The following SVOP variants were observed in gnomAD, a reference collection of about 807,000 sequenced individuals.
The protein encoded by SVOP is SV2 related protein, also known as synaptic vesicle 2-related protein.
A neutral mutation model predicts 69.1 loss-of-function variants in SVOP; 17 were observed. The ratio of observed to expected loss-of-function variants is 0.25; its 90% CI spans 0.17 to 0.37. SVOP has a LOEUF of 0.37. Ranked by LOEUF, SVOP falls within the 10% of genes least tolerant of loss-of-function variation. The pLI is 1.00. For synonymous variants in SVOP, 238 were observed against 238.6 expected (o/e 1.00, Z 0.02); for missense variants, 435 against 597.5 (o/e 0.73, Z 2.84).
chr12:108,919,912 T>C (rs2039738437), intron 12 of SVOP, 126 bp from the exon 13 acceptor site: 1 of 619,416 alleles, frequency 1.6e-6, no homozygotes, highest in African/African-American at 1.9e-5. Context: ...TCACTTCTAA[T>C]GACTAGAAGA....
At chr12:108,994,753 T>C (rs1250128666) in intron 1 of SVOP, among the ~76,000 whole-genome samples, 1 of 152,208 alleles carries the variant, frequency 6.6e-6, no homozygotes, top group Admixed American at 6.5e-5. Context: ...GCTGCTAGCA[T>C]GCTCTTTGCA....
intron 1 of SVOP, among the ~76,000 whole-genome samples, chr12:109,013,256 T>C (rs779482000): frequency 1.6e-4 from 24 of 152,024 alleles, no homozygotes; most frequent in Non-Finnish European, 5.9e-5. Context: ...AAGCAAATTA[T>C]AGAGTTTATT....
intron 1 of SVOP, 48 bp from the exon 2 acceptor site, chr12:108,983,809 A>G (rs1199595425): frequency 2.5e-6 from 1 of 398,724 alleles, no homozygotes; most frequent in Non-Finnish European, 4.4e-6. Context: ...CTTCCCCCAA[A>G]TGGCCTTGCT....
intron 6 of SVOP, among the ~76,000 whole-genome samples, chr12:108,960,302 T>C (rs1316885517): frequency 6.6e-6 from 1 of 152,218 alleles, no homozygotes; most frequent in Admixed American, 6.5e-5. Context: ...TATGCCATAG[T>C]GTGCCAATCT....
chr12:109,012,520 T>C (rs1299147430), intron 1 of SVOP, among the ~76,000 whole-genome samples: 3 of 152,218 alleles, frequency 2.0e-5, no homozygotes, highest in Non-Finnish European at 4.4e-5. Flanking sequence ...CATACATATG[T>C]AATTTTTATT....
chr12:108,915,386 T>C (rs1008257835), intron 15 of SVOP, among the ~76,000 whole-genome samples: 1 of 152,098 alleles, frequency 6.6e-6, no homozygotes, highest in African/African-American at 2.4e-5. Flanking sequence ...CTCCTATTTT[T>C]ATGTCTATGT....
chr12:108,938,722 C>G, intron 9 of SVOP, 105 bp downstream of exon 9: 1 of 1,545,610 alleles, frequency 6.5e-7, no homozygotes, highest in South Asian at 1.2e-5. Flanking sequence ...CTTGGGTACA[C>G]ATACCCACAT....
At chr12:108,942,543 C>T (rs757007978) in intron 7 of SVOP, among the ~76,000 whole-genome samples, 6 of 152,194 alleles carry the variant, frequency 3.9e-5, no homozygotes, top group Admixed American at 6.5e-5. Flanking sequence ...GAGATGGAAG[C>T]GGAGGGAGGA....
At chr12:108,974,158 A>G (rs901602406) in intron 4 of SVOP, among the ~76,000 whole-genome samples, 4 of 152,196 alleles carry the variant, frequency 2.6e-5, no homozygotes, top group Non-Finnish European at 5.9e-5. Flanking sequence ...AGCTTTTCAT[A>G]TATATAGTCA....
intron 1 of SVOP, among the ~76,000 whole-genome samples, chr12:108,987,125 G>A (rs983144488): frequency 3.9e-5 from 6 of 152,098 alleles, no homozygotes; most frequent in South Asian, 2.1e-4. Context: ...CAGCCCTGAC[G>A]AGCACCAATC....
At chr12:108,926,867 C>G (rs1195301230) in intron 11 of SVOP, among the ~76,000 whole-genome samples, 2 of 152,202 alleles carry the variant, frequency 1.3e-5, no homozygotes, top group Admixed American at 1.3e-4. Context: ...GACATTTCTG[C>G]ATGTTTTGAG....
intron 1 of SVOP, among the ~76,000 whole-genome samples, chr12:109,017,475 T>C (rs1166917964): frequency 6.6e-6 from 1 of 152,054 alleles, no homozygotes; most frequent in Non-Finnish European, 1.5e-5. Context: ...ACTAGCCACA[T>C]GTAGCTATTG....
At chr12:108,980,840 G>T (rs975349985) in intron 2 of SVOP, among the ~76,000 whole-genome samples, 27 of 152,004 alleles carry the variant, frequency 1.8e-4, no homozygotes, top group East Asian at 3.9e-4. Context: ...CAGGAGAATC[G>T]CTTGAACCCA....
At chr12:108,923,559 C>A (rs2039763137) in intron 11 of SVOP, among the ~76,000 whole-genome samples, 1 of 152,002 alleles carries the variant, frequency 6.6e-6, no homozygotes, top group Non-Finnish European at 1.5e-5. Flanking sequence ...TGCAGCCTGG[C>A]AAAGGACCCT....
At chr12:108,918,014 C>T in intron 14 of SVOP, 29 bp downstream of exon 14, 1 of 1,531,506 alleles carries the variant, frequency 6.5e-7, no homozygotes, top group Non-Finnish European at 8.8e-7. Flanking sequence ...ACTGCCCGTT[C>T]CCCAGCAGCT....
intron 6 of SVOP, among the ~76,000 whole-genome samples, chr12:108,945,849 G>C (rs2039919431): frequency 6.6e-6 from 1 of 152,130 alleles, no homozygotes; most frequent in Non-Finnish European, 1.5e-5. Context: ...CATCACTGGT[G>C]ACATTAATTT....
intron 12 of SVOP, 30 bp from the exon 13 acceptor site, chr12:108,919,816 C>T: frequency 6.8e-7 from 1 of 1,473,766 alleles, no homozygotes; most frequent in Non-Finnish European, 9.3e-7. Flanking sequence ...AGATAGGCAG[C>T]TTCCGATGTG....
chr12:109,007,713 A>G (rs1593208547), intron 1 of SVOP, among the ~76,000 whole-genome samples: 1 of 152,112 alleles, frequency 6.6e-6, no homozygotes, highest in Non-Finnish European at 1.5e-5. Flanking sequence ...TATGTAATGC[A>G]CTCAACAATC....
chr12:108,977,292 A>G (rs1304423865), intron 4 of SVOP, 106 bp downstream of exon 4: 3 of 1,371,422 alleles, frequency 2.2e-6, no homozygotes, highest in South Asian at 1.4e-5. Context: ...TCAGGGCTTA[A>G]TTCTTTTCTG....
Sources: allele counts gnomAD v4.1 joint callset (sites outside exome capture counted in the v4.1 genomes callset), GRCh38; gene constraint gnomAD v4.1.1; transcripts MANE v1.5; gene names NCBI Gene and HGNC (gene_info 2026-07-23, HGNC 2026-07-21).